Variants in FOCAD observed in about 807,000 individuals in gnomAD.
FOCAD encodes focadhesin.
FOCAD carries 198 observed loss-of-function variants against 225.6 expected under a neutral mutation model. That is an observed-to-expected ratio of 0.88 (90% CI 0.78 to 0.99). The LOEUF (loss-of-function observed/expected upper bound fraction) is 0.99. Among genes scored for constraint, FOCAD ranks in the 50% least tolerant of loss-of-function variants. The probability of loss-of-function intolerance (pLI) is 0.00; values close to 1 mark genes in which losing one functional copy is unlikely to be tolerated. For missense variants in FOCAD, 2,713 were observed against 2,123.6 expected, an observed-to-expected ratio of 1.28 and a Z score of -5.46; for synonymous variants, 897 against 755.0, an observed-to-expected ratio of 1.19 and a Z score of -3.08.
chr9:20,698,670 G>A lies in FOCAD; in HGVS notation c.-33+14377G>A, dbSNP rs926382317. On this transcript the variant is annotated intron_variant, in intron 1 of 43. Coordinates refer to ENST00000338382, the MANE Select transcript of FOCAD (RefSeq NM_001375567.1). ...ATTACAGGTGTGAGCCACTGCGCCC[G>A]GCTTATGTTTTAAACTTTGTTGTGT... Among the ~76,000 whole-genome samples, 13 of 152,034 alleles carry A rather than the reference G, an allele frequency of 8.6e-5. 1 individual carries two copies. The highest frequency in any genetic ancestry group is 2.0e-4 in the Admixed American group (3 of 15,250).
At chr9:20,839,232 C>G (rs974675840) in intron 15 of FOCAD, among the ~76,000 whole-genome samples, 11 of 150,282 alleles carry the variant, frequency 7.3e-5, no homozygotes, top group African/African-American at 2.7e-4. Flanking sequence ...GCACTGTTAA[C>G]CTTGGCTTTA....
At chr9:20,963,607 C>T (rs189225912) in intron 35 of FOCAD, among the ~76,000 whole-genome samples, 19 of 152,280 alleles carry the variant, frequency 1.2e-4, no homozygotes, top group African/African-American at 4.6e-4. Flanking sequence ...ATGCATTGTT[C>T]TTAAATGGAG....
At chr9:20,889,521 A>C (rs1421653277) in intron 21 of FOCAD, among the ~76,000 whole-genome samples, 7 of 152,190 alleles carry the variant, frequency 4.6e-5, no homozygotes, top group South Asian at 4.1e-4. Context: ...TGAATTACCT[A>C]GGCACTTCTG....
At position 20,988,440 on chromosome 9, in the gene FOCAD, G is replaced by A. The variant is rs908282729; in HGVS notation, c.5004+11G>A. The A allele has an allele frequency of 3.4e-6, 5 of 1,472,870 alleles. No homozygotes were observed. Among genetic ancestry groups the A allele is most frequent in the East Asian group, 2.3e-5 (1 of 42,800 alleles). The allele number at this position is 1,472,870 out of a possible 1,614,324, so 91.2% of individuals were successfully genotyped here. ...ACGGCTCTTGACAAGGTAAAATCTA[G>A]AGGAGTAGTTTATAGCTTCCTTAAA... On this transcript the variant is annotated intron_variant, in intron 41 of 43. Coordinates refer to ENST00000338382, the MANE Select transcript of FOCAD (RefSeq NM_001375567.1).
In FOCAD at chr9:20,916,001, C is replaced by T. The variant is rs75219180; in HGVS notation, c.2808-892C>T. Among the ~76,000 whole-genome samples the T allele has an allele frequency of 5.3e-5, 8 of 152,198 alleles. No homozygotes were observed. The East Asian group carries it at 1.4e-3, about 26-fold the overall frequency. On this transcript the variant is annotated intron_variant, in intron 23 of 43. Transcript: ENST00000338382. ...CTTTTAAAAAATACAAGATTGAGAT[C>T]TATAGGAGGTGTTGCACCTGTCTGA... is the stretch of plus-strand genomic sequence containing the variant.
chr9:20,689,741 T>C (rs1428444543), intron 1 of FOCAD, among the ~76,000 whole-genome samples: 1 of 152,228 alleles, frequency 6.6e-6, no homozygotes, highest in African/African-American at 2.4e-5. Flanking sequence ...ACAGCGCTTC[T>C]CTGAAGCATA....
chr9:20,763,612 G>T (rs2130940389), intron 6 of FOCAD, among the ~76,000 whole-genome samples: 1 of 152,318 alleles, frequency 6.6e-6, no homozygotes, highest in African/African-American at 2.4e-5. Flanking sequence ...TAGGGAGAAG[G>T]AATAGGACGG....
chr9:20,854,488 C>G (rs931410885), intron 15 of FOCAD, among the ~76,000 whole-genome samples: 1 of 151,720 alleles, frequency 6.6e-6, no homozygotes, highest in African/African-American at 2.4e-5. Flanking sequence ...CATAGTCACA[C>G]AGCTACCAAA....
At chr9:20,779,003 A>ACG (rs1819082893) in intron 9 of FOCAD, among the ~76,000 whole-genome samples, 1 of 152,242 alleles carries the variant, frequency 6.6e-6, no homozygotes, top group Non-Finnish European at 1.5e-5. Context: ...ATCTAACCTT[A>ACG]TATGGCAGTA....
rs1338244913 is a variant in FOCAD at position 20,839,316 on chromosome 9, T to A, written c.1920+16201T>A. On this transcript the variant is annotated intron_variant, in intron 15 of 43. Transcript: ENST00000338382. ...TGCTGTTGCCCAAGCTGGAGTGCAGTGGCACAATCTTGGCTCACTGCAACC... is the reference window on the plus strand; with the variant it reads ...TGCTGTTGCCCAAGCTGGAGTGCAGAGGCACAATCTTGGCTCACTGCAACC... Among the ~76,000 whole-genome samples, 12 of 150,980 alleles carry A rather than the reference T, an allele frequency of 7.9e-5. No individual in the cohort carries two copies. The East Asian group carries it at 1.8e-3, about 22-fold the overall frequency.
intron 4 of FOCAD, among the ~76,000 whole-genome samples, chr9:20,738,313 A>G (rs1479731636): frequency 6.6e-6 from 1 of 152,212 alleles, no homozygotes; most frequent in Non-Finnish European, 1.5e-5. Flanking sequence ...ACTTCATTCT[A>G]GTTTACAAAA....
At chr9:20,760,662 G>T (rs545818492) in intron 6 of FOCAD, among the ~76,000 whole-genome samples, 10 of 152,090 alleles carry the variant, frequency 6.6e-5, no homozygotes, top group Admixed American at 2.6e-4. Flanking sequence ...GCTGTATTAG[G>T]TGTGTCTCTT....
chr9:20,909,005 A>G (rs746148458), intron 22 of FOCAD, among the ~76,000 whole-genome samples: 5 of 152,084 alleles, frequency 3.3e-5, no homozygotes, highest in East Asian at 1.9e-4. Context: ...TCAAAATGCT[A>G]TGGGCACCTG....
intron 4 of FOCAD, among the ~76,000 whole-genome samples, chr9:20,739,048 G>A (rs1827380778): frequency 6.6e-6 from 1 of 151,876 alleles, no homozygotes; most frequent in Non-Finnish European, 1.5e-5. Flanking sequence ...TTACTATATT[G>A]GACTGTGCAG....
intron 17 of FOCAD, 117 bp downstream of exon 17, chr9:20,866,093 AT>A: frequency 1.2e-6 from 1 of 836,802 alleles, no homozygotes; most frequent in Middle Eastern, 2.9e-4. Context: ...TGGGTTCCCA[AT>A]TTTTAAAAAA....
At chr9:20,892,597 G>A (rs1031967686) in intron 21 of FOCAD, among the ~76,000 whole-genome samples, 5 of 152,052 alleles carry the variant, frequency 3.3e-5, no homozygotes, top group African/African-American at 7.2e-5. Context: ...AACTGCTACC[G>A]TCATGAGGAG....
At chr9:20,876,810 A>G (rs1830266533) in intron 19 of FOCAD, among the ~76,000 whole-genome samples, 1 of 152,202 alleles carries the variant, frequency 6.6e-6, no homozygotes, top group African/African-American at 2.4e-5. Context: ...ATTAGTCACC[A>G]AATGCTACAG....
intron 4 of FOCAD, among the ~76,000 whole-genome samples, chr9:20,737,116 C>T (rs532533586): frequency 2.6e-5 from 4 of 152,150 alleles, no homozygotes; most frequent in African/African-American, 9.6e-5. Flanking sequence ...GCATTGACTC[C>T]GTTATCTACA....
chr9:20,915,082 G>C (rs973862963), intron 23 of FOCAD, among the ~76,000 whole-genome samples: 1 of 152,184 alleles, frequency 6.6e-6, no homozygotes, highest in Admixed American at 6.5e-5. Flanking sequence ...GCAGGTCTGC[G>C]TAGAATAGGA....
Sources: gnomAD v4.1 joint callset for allele counts (sites outside exome capture counted in the v4.1 genomes callset) on GRCh38, gnomAD v4.1.1 for gene constraint, MANE v1.5 for transcripts, NCBI Gene and HGNC (gene_info 2026-07-23, HGNC 2026-07-21) for gene names.